The following SSBP3 variants were observed in gnomAD, a reference collection of about 807,000 sequenced individuals.
SSBP3 encodes single stranded DNA binding protein 3, also known as single-stranded DNA-binding protein 3.
A neutral mutation model predicts 69.6 loss-of-function variants in SSBP3; 5 were observed. The observed-to-expected ratio is 0.07, with a 90% CI of 0.04 to 0.15. The LOEUF is 0.15. SSBP3 is among the 10% of genes least tolerant of loss of function. The pLI, the probability that SSBP3 is intolerant of heterozygous loss-of-function variation, is 1.00. For missense variants in SSBP3, 312 were observed against 534.0 expected (o/e 0.58, Z 4.10); for synonymous variants, 196 against 193.4 (o/e 1.01, Z -0.11).
At chr1:54,344,755 T>C (rs912789430) in intron 4 of SSBP3, among the ~76,000 whole-genome samples, 2 of 152,212 alleles carry the variant, frequency 1.3e-5, no homozygotes, top group Non-Finnish European at 2.9e-5. Flanking sequence ...TTCACACTTG[T>C]AATCCCAATG....
chr1:54,316,999 A>T (rs1486502564), intron 4 of SSBP3, among the ~76,000 whole-genome samples: 1 of 152,110 alleles, frequency 6.6e-6, no homozygotes. Flanking sequence ...CACATTCCCC[A>T]AACGACCCAC....
intron 9 of SSBP3, among the ~76,000 whole-genome samples, chr1:54,243,914 ATGTG>A (rs1313149847): frequency 6.6e-6 from 1 of 151,736 alleles, no homozygotes; most frequent in South Asian, 2.1e-4. Flanking sequence ...GATCATCACT[ATGTG>A]TGTGTGAGTT....
At chr1:54,332,916 A>ACGCACACACACGCGCGAG (rs1646443036) in intron 4 of SSBP3, among the ~76,000 whole-genome samples, 1 of 152,118 alleles carries the variant, frequency 6.6e-6, no homozygotes, top group African/African-American at 2.4e-5. Context: ...GCAAACATGC[A>ACGCACACACACGCGCGAG]CGCACACACA....
rs1257257199 is a variant in SSBP3, at chr1:54,251,674, C to A, written c.593G>T (p.Gly198Val). 3 of 1,555,138 alleles carry A rather than the reference C, an allele frequency of 1.9e-6. No homozygotes were observed. The highest frequency in any genetic ancestry group is 4.8e-5 in the East Asian group (2 of 41,438). Residue 198 changes from glycine (G) to valine (V), a missense_variant, in exon 9 of 18, where the codon GGA becomes GTA. By Grantham distance (109) the Gly-to-Val change is moderately radical. This residue lies in a region of SSBP3 where 134 missense variants were observed against 212.1 expected (regional missense o/e 0.63). Transcript: ENST00000610401. ...GGGAGGGTTCATTCTCTGCATTGAT[C>A]CTCCCATGTTGGGGTGGCCTGCGTG...
intron 7 of SSBP3, among the ~76,000 whole-genome samples, chr1:54,253,191 TG>T (rs67950925): frequency 0.011 from 1,528 of 139,140 alleles, 53 homozygotes; most frequent in Middle Eastern, 0.046. Context: ...TTTTAGTTTT[TG>T]TTTTTTTTTT....
upstream of SSBP3, among the ~76,000 whole-genome samples, chr1:54,407,420 C>T (rs1180666355): frequency 6.6e-6 from 1 of 151,396 alleles, no homozygotes; most frequent in Non-Finnish European, 1.5e-5. Flanking sequence ...CTTCCATTGT[C>T]AGTGACCCAG....
chr1:54,304,431 A>T (rs1645859924), intron 4 of SSBP3, among the ~76,000 whole-genome samples: 1 of 152,100 alleles, frequency 6.6e-6, no homozygotes, highest in African/African-American at 2.4e-5. Context: ...TCCTCCAAGG[A>T]CCAGGGCGTC....
chr1:54,352,700 G>A (rs948511704), intron 4 of SSBP3, among the ~76,000 whole-genome samples: 4 of 152,194 alleles, frequency 2.6e-5, no homozygotes, highest in East Asian at 3.9e-4. Flanking sequence ...AGCATCTAGC[G>A]TGATCAGCAC....
chr1:54,402,336 A>C (rs1221922234), intron 3 of SSBP3, among the ~76,000 whole-genome samples: 1 of 152,190 alleles, frequency 6.6e-6, no homozygotes, highest in African/African-American at 2.4e-5. Flanking sequence ...ACGAGAATCC[A>C]TACTGTTCTA....
At position 54,258,178 on chromosome 1, in the gene SSBP3, A is replaced by G; in HGVS notation, c.367-29T>C. 1 of 1,539,010 alleles carries G rather than the reference A, an allele frequency of 6.5e-7. No individual in the cohort carries two copies. Among genetic ancestry groups the G allele is most frequent in the African/African-American group, 1.4e-5 (1 of 72,776 alleles). On this transcript the variant is annotated intron_variant, in intron 5 of 17. Transcript: ENST00000610401. This position sits in a 1 kb window ranked among gnomAD's most constrained non-coding sequence, Gnocchi z 4.5. ...TGAGGCCAGACAGTAGAGGCAGGTT[A>G]TAGATCACAGCACATGGAGAAGCGC... is the stretch of plus-strand genomic sequence containing the variant.
chr1:54,374,020 G>A (rs1647177463), intron 4 of SSBP3, among the ~76,000 whole-genome samples: 1 of 152,196 alleles, frequency 6.6e-6, no homozygotes, highest in Admixed American at 6.5e-5. Context: ...TATTACAGAG[G>A]CTTCTCCAGA....
In SSBP3 at chr1:54,258,957, C is replaced by A. The variant is rs571320546; in HGVS notation, c.367-808G>T. On this transcript the variant is annotated intron_variant, in intron 5 of 17. Coordinates refer to ENST00000610401, the Ensembl canonical transcript of SSBP3. This position sits in a 1 kb window ranked among gnomAD's most constrained non-coding sequence, Gnocchi z 4.5. ...GCCATAAAACTGGTCAGTGGCAGAG[C>A]TGGGATGAGAAGCCCCATGGGTCCA... 1.3e-5 allele frequency among the ~76,000 whole-genome samples: 2 copies of A among 152,184 alleles called. No individual in the cohort carries two copies. The highest frequency in any genetic ancestry group is 6.5e-5 in the Admixed American group (1 of 15,282).
chr1:54,388,395 TAG>T (rs1284357702), intron 4 of SSBP3, among the ~76,000 whole-genome samples: 2 of 152,196 alleles, frequency 1.3e-5, no homozygotes, highest in African/African-American at 2.4e-5. Flanking sequence ...CCCTATCTTA[TAG>T]AGTGTTACCG....
At chr1:54,401,133 C>T (rs898918893) in intron 4 of SSBP3, among the ~76,000 whole-genome samples, 8 of 152,098 alleles carry the variant, frequency 5.3e-5, no homozygotes, top group African/African-American at 1.4e-4. Flanking sequence ...GGTTTGAAAC[C>T]CATGTTTGTT....
chr1:54,235,256 CCTGT>C (rs1046815372), intron 14 of SSBP3, among the ~76,000 whole-genome samples: 1 of 150,758 alleles, frequency 6.6e-6, no homozygotes, highest in Non-Finnish European at 1.5e-5. Context: ...ATGGGCTATC[CCTGT>C]CTAAGATGTC....
rs538145912 is a variant in SSBP3 at position 54,345,948 on chromosome 1, C to T, written c.276+55913G>A. 6.0e-4 allele frequency among the ~76,000 whole-genome samples: 91 copies of T among 151,592 alleles called. 1 individual carries two copies. The highest frequency in any genetic ancestry group is 2.0e-3 in the African/African-American group (81 of 41,280). ...CTTGAGGTCAGGAGTTCGAGACCAG[C>T]CTGGCCAACATGGTGAAACCCCGTC... On this transcript the variant is annotated intron_variant, in intron 4 of 17. Coordinates refer to ENST00000610401, the Ensembl canonical transcript of SSBP3.
intron 9 of SSBP3, among the ~76,000 whole-genome samples, chr1:54,249,015 G>A (rs1644780270): frequency 1.3e-5 from 2 of 152,154 alleles, no homozygotes; most frequent in African/African-American, 4.8e-5. Flanking sequence ...CTTGTACACT[G>A]CTTGGGTGAG....
intron 4 of SSBP3, among the ~76,000 whole-genome samples, chr1:54,353,145 G>A (rs1357013041): frequency 1.3e-5 from 2 of 152,212 alleles, no homozygotes. Context: ...CCCTGCCACA[G>A]GGAGGACAAC....
chr1:54,281,172 C>T (rs1489296317), intron 5 of SSBP3, among the ~76,000 whole-genome samples: 6 of 152,156 alleles, frequency 3.9e-5, no homozygotes, highest in Admixed American at 6.5e-5. Context: ...GACTGTGTCG[C>T]GCCTACGAAG....
Sources: allele counts gnomAD v4.1 joint callset (sites outside exome capture counted in the v4.1 genomes callset), GRCh38; gene constraint gnomAD v4.1.1; regional missense constraint gnomAD v4.1.1; non-coding constraint Gnocchi (gnomAD v3.1); transcripts MANE v1.5; gene names NCBI Gene and HGNC (gene_info 2026-07-23, HGNC 2026-07-21).